Variants in NAXD observed in about 807,000 individuals in gnomAD.
NAXD encodes NAD(P)HX dehydratase.
Under a neutral mutation model 35.8 loss-of-function variants are expected in NAXD, and 22 were observed. The ratio of observed to expected loss-of-function variants is 0.62; its 90% CI spans 0.44 to 0.88. NAXD has a LOEUF of 0.88. Among genes scored for constraint, NAXD ranks in the 40% least tolerant of loss-of-function variants. The pLI is 0.00. For synonymous variants in NAXD, 189 were observed against 177.6 expected (o/e 1.06, Z -0.51); for missense variants, 428 against 437.7 (o/e 0.98, Z 0.20).
chr13:110,636,430 A>G (rs1303432974), intron 8 of NAXD, among the ~76,000 whole-genome samples: 1 of 152,016 alleles, frequency 6.6e-6, no homozygotes, highest in Non-Finnish European at 1.5e-5. Context: ...GCACACTCGC[A>G]CTTATACACA....
At chr13:110,633,300 A>G (rs1356912131) in intron 5 of NAXD, among the ~76,000 whole-genome samples, 1 of 152,156 alleles carries the variant, frequency 6.6e-6, no homozygotes, top group Non-Finnish European at 1.5e-5. Context: ...GCCCCGGGCC[A>G]GCAGGGCTGG....
chr13:110,638,182 C>A lies in NAXD; in HGVS notation c.840-196C>A. The stretch of plus-strand genomic sequence containing the variant: ...ATAGACGTTTCCTGTGTGCCTCCTG[C>A]CAGGGAGTAGTGGAGGGTTAATGGT... On this transcript the variant is annotated intron_variant, in intron 9 of 9. Coordinates refer to ENST00000680254, the MANE Select transcript of NAXD (RefSeq NM_001242882.2). This position sits in a 1 kb window ranked among gnomAD's most constrained non-coding sequence, Gnocchi z 5.4. 1 of 1,474,404 alleles carries A rather than the reference C, an allele frequency of 6.8e-7. No homozygotes were observed. Among genetic ancestry groups the A allele is most frequent in the Non-Finnish European group, 9.1e-7 (1 of 1,093,530 alleles). 91.3% of individuals were successfully genotyped at this position (1,474,404 alleles called of 1,614,324 possible).
At chr13:110,625,963 A>T (rs330560) in intron 4 of NAXD, among the ~76,000 whole-genome samples, 1 of 151,966 alleles carries the variant, frequency 6.6e-6, no homozygotes, top group African/African-American at 2.4e-5. Context: ...GCAGAGGGGC[A>T]GTTGGGGCGG....
At chr13:110,615,875 A>G in intron 1 of NAXD, 1 of 1,044,312 alleles carries the variant, frequency 9.6e-7, no homozygotes, top group Non-Finnish European at 1.2e-6. Context: ...TGCGGGGCGG[A>G]GTAGGGAGAG....
Position 110,638,309 on chromosome 13 carries a change from C to T in NAXD, c.840-69C>T. ...TGAAACAGGAGTCAAAACCAGAGCC[C>T]AGGGTAGCTGCGGCCCCCGGACCAC... On this transcript the variant is annotated intron_variant, in intron 9 of 9. Coordinates refer to ENST00000680254, the MANE Select transcript of NAXD (RefSeq NM_001242882.2). This position sits in a 1 kb window ranked among gnomAD's most constrained non-coding sequence, Gnocchi z 5.4. 1 of 1,611,470 alleles carries T rather than the reference C, an allele frequency of 6.2e-7. No individual in the cohort carries two copies. Among genetic ancestry groups the T allele is most frequent in the Non-Finnish European group, 8.5e-7 (1 of 1,178,760 alleles).
intron 1 of NAXD, chr13:110,615,901 G>A (rs1886032929): frequency 2.6e-6 from 2 of 760,416 alleles, no homozygotes; most frequent in Non-Finnish European, 3.6e-6. Context: ...AGGCCTCCTG[G>A]AACGGCGCGG....
Position 110,638,290 on chromosome 13 carries a change from A to C in NAXD, c.840-88A>C, listed in dbSNP as rs1229258316. The C allele has an allele frequency of 6.2e-7, 1 of 1,604,964 alleles. No individual in the cohort carries two copies. The highest frequency in any genetic ancestry group is 1.7e-5 in the Admixed American group (1 of 58,082). On this transcript the variant is annotated intron_variant, in intron 9 of 9. Coordinates refer to ENST00000680254, the MANE Select transcript of NAXD (RefSeq NM_001242882.2). This position sits in a 1 kb window ranked among gnomAD's most constrained non-coding sequence, Gnocchi z 5.4. ...CAATTTGGGGTCCTGAGATTGAAAC[A>C]GGAGTCAAAACCAGAGCCCAGGGTA...
At position 110,615,648 on chromosome 13, in the gene NAXD, G is replaced by A; in HGVS notation, c.46+1G>A. On this transcript the variant is annotated splice_donor_variant, in intron 1 of 9. Transcript: ENST00000680254. LOFTEE classifies it high-confidence loss of function. The stretch of plus-strand genomic sequence containing the variant: ...GGGGCAATCCGGGCTTGCAGACGAG[G>A]TAAGGTCGATTCCATTTGGCCCGGG... 1.3e-6 allele frequency: 2 copies of A among 1,504,038 alleles called. No individual in the cohort carries two copies. Among genetic ancestry groups the A allele is most frequent in the South Asian group, 1.2e-5 (1 of 81,452 alleles). 93.2% of individuals were successfully genotyped at this position (1,504,038 alleles called of 1,614,324 possible). A position where few individuals can be genotyped will look rare whatever the true frequency, so the allele number is the denominator to read the frequency against.
intron 5 of NAXD, 103 bp from the exon 6 acceptor site, chr13:110,634,442 G>A (rs1285918126): frequency 2.5e-6 from 3 of 1,220,194 alleles, no homozygotes; most frequent in Non-Finnish European, 3.6e-6. Flanking sequence ...CACCTCCCAG[G>A]ACCCTTCCCT....
At chr13:110,620,655 CTCTATCAGCTAAGGCAGTTACA>C (rs1386802946) in intron 1 of NAXD, among the ~76,000 whole-genome samples, 1 of 151,776 alleles carries the variant, frequency 6.6e-6, no homozygotes, top group Non-Finnish European at 1.5e-5. Flanking sequence ...CCAGCATCTG[CTCTATCAGCTAAGGCAGTTACA>C]TCTACTCATA....
At chr13:110,636,190 T>G (rs1886917699) in intron 8 of NAXD, among the ~76,000 whole-genome samples, 1 of 152,134 alleles carries the variant, frequency 6.6e-6, no homozygotes, top group Admixed American at 6.5e-5. Flanking sequence ...TTGTTAGCGC[T>G]GAAAATGGAA....
rs139719452 is a variant in NAXD at position 110,618,578 on chromosome 13, G to A, written c.46+2931G>A. 2.3e-3 allele frequency among the ~76,000 whole-genome samples: 347 copies of A among 152,276 alleles called. 13 individuals are homozygous for A. In the East Asian group the frequency reaches 0.053, roughly 23 times the overall value. ...CACTCAGAATTGATATTTTTGGCTT[G>A]TGGTAAATGGGACTTTAATGCTTAA... On this transcript the variant is annotated intron_variant, in intron 1 of 9. Coordinates refer to ENST00000680254, the MANE Select transcript of NAXD (RefSeq NM_001242882.2).
At position 110,636,671 on chromosome 13, in the gene NAXD, C is replaced by T. The variant is rs141296663; in HGVS notation, c.719-458C>T. On this transcript the variant is annotated intron_variant, in intron 8 of 9. Coordinates refer to ENST00000680254, the MANE Select transcript of NAXD (RefSeq NM_001242882.2). The stretch of plus-strand genomic sequence containing the variant: ...AATTCCCATACACAGGCATACGTGA[C>T]GTTATGAGGCCGGTGGAGGCCTCGC... Among the ~76,000 whole-genome samples, 446 of 152,338 alleles carry T rather than the reference C, an allele frequency of 2.9e-3. 4 individuals carry two copies. Among genetic ancestry groups the T allele is most frequent in the African/African-American group, 0.01 (425 of 41,568 alleles).
chr13:110,616,255 A>T (rs1886049878), intron 1 of NAXD: 1 of 162,064 alleles, frequency 6.2e-6, no homozygotes. Context: ...CTTCGCGCAC[A>T]CCAGGAGCAG....
rs554505540 is a variant in NAXD, at chr13:110,638,742, A to C, written c.*214A>C. ...GGTTGGAGATGTTATGGCGACACTA[A>C]ACAAAGTATTCCTGAACTTTCCTTA... On this transcript the variant is annotated 3_prime_UTR_variant, in exon 10 of 10. Coordinates refer to ENST00000680254, the MANE Select transcript of NAXD (RefSeq NM_001242882.2). This position sits in a 1 kb window ranked among gnomAD's most constrained non-coding sequence, Gnocchi z 5.4. The C allele has an allele frequency of 9.9e-6, 7 of 704,508 alleles. No individual in the cohort carries two copies. In the East Asian group the frequency reaches 1.9e-4, roughly 19 times the overall value. 43.6% of individuals were successfully genotyped at this position (704,508 alleles called of 1,614,324 possible).
Position 110,637,515 on chromosome 13 carries a change from G to A in NAXD, c.839+266G>A, listed in dbSNP as rs550854904. Among the ~76,000 whole-genome samples, 60 of 152,306 alleles carry A rather than the reference G, an allele frequency of 3.9e-4. 1 individual carries two copies. In the South Asian group the frequency reaches 0.012, roughly 31 times the overall value. ...CAGAGAGTTCCGAGGTGCAACCAAG[G>A]CCCAGCAGCACGCTGTTCTGGGAAG... is the stretch of plus-strand genomic sequence containing the variant. On this transcript the variant is annotated intron_variant, in intron 9 of 9. Coordinates refer to ENST00000680254, the MANE Select transcript of NAXD (RefSeq NM_001242882.2).
intron 4 of NAXD, among the ~76,000 whole-genome samples, chr13:110,626,558 G>T (rs1365710057): frequency 3.3e-5 from 5 of 150,530 alleles, no homozygotes; most frequent in Non-Finnish European, 5.9e-5. Context: ...GCGGAGGGGG[G>T]CTGGGGTTGG....
chr13:110,620,424 A>G (rs1886216897), intron 1 of NAXD, among the ~76,000 whole-genome samples: 1 of 152,002 alleles, frequency 6.6e-6, no homozygotes, highest in African/African-American at 2.4e-5. Context: ...TGCTAAAAAT[A>G]CAAAAATTAG....
intron 3 of NAXD, among the ~76,000 whole-genome samples, chr13:110,624,519 C>G (rs548815786): frequency 6.6e-6 from 1 of 152,130 alleles, no homozygotes; most frequent in South Asian, 2.1e-4. Context: ...AGTGCAATGG[C>G]GGGATCTCGG....
Sources: allele counts gnomAD v4.1 joint callset (sites outside exome capture counted in the v4.1 genomes callset), GRCh38; gene constraint gnomAD v4.1.1; non-coding constraint Gnocchi (gnomAD v3.1); transcripts MANE v1.5; gene names NCBI Gene and HGNC (gene_info 2026-07-23, HGNC 2026-07-21).